The following COL26A1 variants were observed in gnomAD, a reference collection of about 807,000 sequenced individuals.
COL26A1 encodes the protein collagen alpha-1(XXVI) chain.
A neutral mutation model predicts 59.3 loss-of-function variants in COL26A1; 41 were observed. The ratio of observed to expected loss-of-function variants is 0.69; its 90% CI spans 0.54 to 0.90. The LOEUF is 0.90. Among genes scored for constraint, COL26A1 ranks in the 40% least tolerant of loss-of-function variants. The pLI is 0.00. For missense variants in COL26A1, 612 were observed against 602.3 expected (o/e 1.02, Z -0.17); for synonymous variants, 266 against 256.0 (o/e 1.04, Z -0.37).
At chr7:101,555,940 A>AGCAT in intron 12 of COL26A1, 69 bp downstream of exon 12, 1 of 1,341,840 alleles carries the variant, frequency 7.5e-7, no homozygotes, top group Non-Finnish European at 1.0e-6. Flanking sequence ...TGCTGCCCTC[A>AGCAT]TGGCTGCTGC....
chr7:101,385,152 C>A (rs1449688812), intron 1 of COL26A1, among the ~76,000 whole-genome samples: 1 of 148,728 alleles, frequency 6.7e-6, no homozygotes, highest in Non-Finnish European at 1.5e-5. Flanking sequence ...TCTGAAAACA[C>A]CCAGAAACAA....
chr7:101,468,630 C>G (rs1793822513), intron 3 of COL26A1, among the ~76,000 whole-genome samples: 1 of 152,198 alleles, frequency 6.6e-6, no homozygotes, highest in African/African-American at 2.4e-5. Context: ...TGTCTAGACA[C>G]AAGGTCAGGT....
intron 1 of COL26A1, among the ~76,000 whole-genome samples, chr7:101,399,014 G>C (rs1033260848): frequency 6.6e-6 from 1 of 152,040 alleles, no homozygotes; most frequent in Admixed American, 6.6e-5. Flanking sequence ...TGCCCATCAA[G>C]ATGAGAGACA....
chr7:101,512,040 C>T (rs10241776), intron 3 of COL26A1, among the ~76,000 whole-genome samples: 13,542 of 152,082 alleles, frequency 0.089, 1,233 homozygotes, highest in African/African-American at 0.23. Flanking sequence ...CAACCGAATT[C>T]ATAAGGCAGG....
intron 3 of COL26A1, among the ~76,000 whole-genome samples, chr7:101,467,458 G>A (rs1793791443): frequency 6.6e-6 from 1 of 151,486 alleles, no homozygotes; most frequent in African/African-American, 2.4e-5. Context: ...TGTGACGTTT[G>A]CATAGTGTGC....
intron 1 of COL26A1, among the ~76,000 whole-genome samples, chr7:101,376,177 T>C (rs1791315039): frequency 1.4e-5 from 2 of 147,682 alleles, no homozygotes; most frequent in Admixed American, 1.3e-4. Flanking sequence ...CCAGGTGTGG[T>C]GTTGAATGCT....
intron 3 of COL26A1, among the ~76,000 whole-genome samples, chr7:101,494,127 C>T (rs868427202): frequency 4.6e-5 from 7 of 151,512 alleles, no homozygotes; most frequent in Non-Finnish European, 8.8e-5. Flanking sequence ...ATTGCATTGT[C>T]GTTTTGTTTT....
intron 4 of COL26A1, among the ~76,000 whole-genome samples, chr7:101,539,171 C>T (rs112469850): frequency 0.021 from 3,230 of 152,264 alleles, 123 homozygotes; most frequent in African/African-American, 0.074. Flanking sequence ...GCAATCGTGG[C>T]CACTTTTGTT....
chr7:101,400,367 T>TTTTTTTTTTTTTTTTTTTG (rs1791966704), intron 1 of COL26A1, among the ~76,000 whole-genome samples: 1 of 128,010 alleles, frequency 7.8e-6, no homozygotes, highest in Non-Finnish European at 1.7e-5. Context: ...TTTTTTTTTT[T>TTTTTTTTTTTTTTTTTTTG]TTTTTTTTTT....
chr7:101,362,648 T>C (rs1016485126), upstream of COL26A1, among the ~76,000 whole-genome samples: 32 of 152,276 alleles, frequency 2.1e-4, no homozygotes, highest in Admixed American at 3.9e-4. Context: ...GAAGAAGGTT[T>C]GGTTTCAAAG....
chr7:101,488,412 G>C (rs1794316117), intron 3 of COL26A1, among the ~76,000 whole-genome samples: 1 of 133,196 alleles, frequency 7.5e-6, no homozygotes, highest in African/African-American at 2.9e-5. Flanking sequence ...GTCTAACTCT[G>C]TCACCCAGGC....
rs557891900 is a variant in COL26A1, at chr7:101,509,427, C to T, written c.386-23655C>T. On this transcript the variant is annotated intron_variant, in intron 3 of 12. Coordinates refer to ENST00000313669, the MANE Select transcript of COL26A1 (RefSeq NM_001278563.3). Reference sequence around the variant, plus strand: ...TGCCACTGTACTCCAGCTCAGGCTACAGACTGAGACCCTGTCTCAAAAAAA... The same window carrying T: ...TGCCACTGTACTCCAGCTCAGGCTATAGACTGAGACCCTGTCTCAAAAAAA... 3.3e-5 allele frequency among the ~76,000 whole-genome samples: 5 copies of T among 152,186 alleles called. No individual in the cohort carries two copies. The East Asian group carries it at 9.7e-4, about 30-fold the overall frequency.
intron 3 of COL26A1, among the ~76,000 whole-genome samples, chr7:101,451,673 G>T (rs2130390359): frequency 6.6e-6 from 1 of 150,382 alleles, no homozygotes; most frequent in East Asian, 1.9e-4. Flanking sequence ...AAGCTTTGTG[G>T]TTATTGTCTC....
At chr7:101,411,882 G>A (rs949688653) in intron 1 of COL26A1, among the ~76,000 whole-genome samples, 1 of 152,132 alleles carries the variant, frequency 6.6e-6, no homozygotes, top group African/African-American at 2.4e-5. Flanking sequence ...AGGCTGCAGT[G>A]AGCTATGATT....
rs138279847 is a variant in COL26A1, at chr7:101,431,940, C to T, written c.281+11841C>T. Among the ~76,000 whole-genome samples the T allele has an allele frequency of 1.8e-3, 270 of 151,034 alleles. 1 individual carries two copies. The highest frequency in any genetic ancestry group is 6.3e-3 in the African/African-American group (259 of 41,112). ...CCGAGTAGCTGAGACTACAGGCGTA[C>T]ACCACCATGCTTGGCTAATTTTATA... On this transcript the variant is annotated intron_variant, in intron 2 of 12. Transcript: ENST00000313669.
chr7:101,477,638 C>T (rs1396930495), intron 3 of COL26A1, among the ~76,000 whole-genome samples: 5 of 152,184 alleles, frequency 3.3e-5, no homozygotes, highest in Non-Finnish European at 7.3e-5. Context: ...ACCTGGTATT[C>T]TTCAGTCATG....
intron 3 of COL26A1, among the ~76,000 whole-genome samples, chr7:101,483,277 A>G (rs1038422275): frequency 6.6e-6 from 1 of 151,082 alleles, no homozygotes; most frequent in Non-Finnish European, 1.5e-5. Context: ...GGCTCACTGC[A>G]ACCTCCGCCT....
rs536293563 is a variant in COL26A1, at chr7:101,423,452, C to T, written c.281+3353C>T. On this transcript the variant is annotated intron_variant, in intron 2 of 12. Coordinates refer to ENST00000313669, the MANE Select transcript of COL26A1 (RefSeq NM_001278563.3). ...ACAATGTTTCAGAAGTGCTGGGGTCCGGCCCGGCGTGGTGGCTCACGCCTA... is the reference window on the plus strand; with the variant it reads ...ACAATGTTTCAGAAGTGCTGGGGTCTGGCCCGGCGTGGTGGCTCACGCCTA... Among the ~76,000 whole-genome samples, 454 of 152,150 alleles carry T rather than the reference C, an allele frequency of 3.0e-3. 1 individual carries two copies. Among genetic ancestry groups the T allele is most frequent in the African/African-American group, 9.2e-3 (381 of 41,520 alleles).
At chr7:101,481,173 C>T (rs1794145885) in intron 3 of COL26A1, among the ~76,000 whole-genome samples, 1 of 152,074 alleles carries the variant, frequency 6.6e-6, no homozygotes, top group Non-Finnish European at 1.5e-5. Flanking sequence ...GATCAGCAGA[C>T]AGTTTTCTAG....
Sources: gnomAD v4.1 joint callset for allele counts (sites outside exome capture counted in the v4.1 genomes callset) on GRCh38, gnomAD v4.1.1 for gene constraint, MANE v1.5 for transcripts, NCBI Gene and HGNC (gene_info 2026-07-23, HGNC 2026-07-21) for gene names.